The following MEGF11 variants were observed in gnomAD, a reference collection of about 807,000 sequenced individuals.
MEGF11 encodes multiple epidermal growth factor-like domains protein 11.
Under a neutral mutation model 146.6 loss-of-function variants are expected in MEGF11, and 126 were observed. The ratio of observed to expected loss-of-function variants is 0.86; its 90% CI spans 0.74 to 1.00. The LOEUF is 1.00. Ranked by LOEUF, MEGF11 falls within the 50% of genes least tolerant of loss-of-function variation. The pLI, the probability that MEGF11 is intolerant of heterozygous loss-of-function variation, is 0.00. For synonymous variants in MEGF11, 532 were observed against 583.4 expected, an observed-to-expected ratio of 0.91 and a Z score of 1.27; for missense variants, 1,509 against 1,521.2, an observed-to-expected ratio of 0.99 and a Z score of 0.13.
chr15:66,016,217 A>G (rs1037363748), intron 5 of MEGF11, among the ~76,000 whole-genome samples: 1 of 151,884 alleles, frequency 6.6e-6, no homozygotes, highest in African/African-American at 2.4e-5. Context: ...CCTGTGGTTT[A>G]TTTTCTTTCA....
chr15:66,184,600 C>T (rs1297734987), intron 1 of MEGF11, among the ~76,000 whole-genome samples: 1 of 137,116 alleles, frequency 7.3e-6, no homozygotes, highest in African/African-American at 2.7e-5. Flanking sequence ...ACCTTAAAAT[C>T]CTTCAAGATG....
chr15:65,902,628 TCC>T (rs1214303819), intron 24 of MEGF11: 1 of 152,140 alleles, frequency 6.6e-6, no homozygotes, highest in African/African-American at 2.4e-5. Context: ...CCTGTCCCAG[TCC>T]CAGCCCTTCA....
At chr15:66,158,865 G>A (rs1382642311) in intron 1 of MEGF11, among the ~76,000 whole-genome samples, 3 of 152,168 alleles carry the variant, frequency 2.0e-5, no homozygotes, top group Non-Finnish European at 1.5e-5. Context: ...CCAGCATCCA[G>A]TCTCCGCTTA....
chr15:65,901,149 T>C (rs1406885112), intron 24 of MEGF11, among the ~76,000 whole-genome samples: 1 of 152,144 alleles, frequency 6.6e-6, no homozygotes, highest in Non-Finnish European at 1.5e-5. Flanking sequence ...GGGTACTTAG[T>C]TTTTTAGTAC....
chr15:66,127,336 G>A (rs1390598412), intron 2 of MEGF11, among the ~76,000 whole-genome samples: 1 of 152,198 alleles, frequency 6.6e-6, no homozygotes, highest in Non-Finnish European at 1.5e-5. Flanking sequence ...GATCACACAA[G>A]TGCAGGCACT....
chr15:66,107,253 C>T (rs1271548791), intron 4 of MEGF11, among the ~76,000 whole-genome samples: 1 of 152,230 alleles, frequency 6.6e-6, no homozygotes, highest in African/African-American at 2.4e-5. Context: ...TCTCCAAAGA[C>T]ATTGAAGTAG....
intron 5 of MEGF11, among the ~76,000 whole-genome samples, chr15:66,078,103 T>C (rs866242274): frequency 1.9e-4 from 29 of 152,300 alleles, no homozygotes; most frequent in African/African-American, 6.7e-4. Context: ...AGGGACAGAC[T>C]GCCTGAGTTC....
At chr15:66,194,484 T>G (rs920736257) in intron 1 of MEGF11, among the ~76,000 whole-genome samples, 5 of 152,102 alleles carry the variant, frequency 3.3e-5, no homozygotes, top group Admixed American at 3.3e-4. Flanking sequence ...GGCACACACC[T>G]CTAGTCCCAG....
chr15:66,193,180 G>GA (rs919071236), intron 1 of MEGF11, among the ~76,000 whole-genome samples: 10 of 152,090 alleles, frequency 6.6e-5, no homozygotes, highest in Non-Finnish European at 1.3e-4. Context: ...TCTAGTTATG[G>GA]AAAAAAATCC....
Position 65,930,796 on chromosome 15 carries a change from A to T in MEGF11, c.1408+27T>A, listed in dbSNP as rs996133428. 2.5e-6 allele frequency: 4 copies of T among 1,577,008 alleles called. No homozygotes were observed. The African/African-American group carries it at 4.1e-5, about 16-fold the overall frequency. On this transcript the variant is annotated intron_variant, in intron 11 of 25. Coordinates refer to ENST00000395614, the MANE Select transcript of MEGF11 (RefSeq NM_001385028.1). ...TGGGGAATGTGCTCATATGTCAGGGATGGGCTTGGGAGAGAGGGCACATTA... is the reference window on the plus strand; with the variant it reads ...TGGGGAATGTGCTCATATGTCAGGGTTGGGCTTGGGAGAGAGGGCACATTA...
chr15:66,192,453 G>C (rs538807603), intron 1 of MEGF11, among the ~76,000 whole-genome samples: 3 of 145,754 alleles, frequency 2.1e-5, no homozygotes, highest in African/African-American at 7.5e-5. Context: ...CTGGGTGACA[G>C]AGCAAGACTC....
At chr15:66,045,529 C>T (rs1283899378) in intron 5 of MEGF11, among the ~76,000 whole-genome samples, 2 of 152,216 alleles carry the variant, frequency 1.3e-5, no homozygotes, top group African/African-American at 2.4e-5. Flanking sequence ...GCCCACCCAA[C>T]AGCCCATGGG....
intron 3 of MEGF11, among the ~76,000 whole-genome samples, chr15:66,121,867 A>G (rs1385193446): frequency 6.6e-6 from 1 of 152,246 alleles, no homozygotes; most frequent in Non-Finnish European, 1.5e-5. Flanking sequence ...AAAGAAATAA[A>G]CAAACAACAA....
chr15:66,064,028 T>A (rs2085014296), intron 5 of MEGF11, among the ~76,000 whole-genome samples: 1 of 152,146 alleles, frequency 6.6e-6, no homozygotes, highest in African/African-American at 2.4e-5. Context: ...GTTCAGAACC[T>A]ATCACCACAC....
chr15:65,922,153 CTG>C (rs142256772), intron 15 of MEGF11, 183 bp downstream of exon 15: 49,492 of 639,664 alleles, frequency 0.077, 2,155 homozygotes, highest in Middle Eastern at 0.13. Flanking sequence ...AGGCTGTTAA[CTG>C]TGTTAGGGCC....
At chr15:66,219,193 T>A (rs987907) in intron 1 of MEGF11, among the ~76,000 whole-genome samples, 151,042 of 152,232 alleles carry the variant, frequency 0.99, 74,944 homozygotes, top group Middle Eastern at 1. Context: ...GTGCAATCCA[T>A]AAAAGAAAGA....
At chr15:65,978,216 G>A (rs1488493652) in intron 7 of MEGF11, among the ~76,000 whole-genome samples, 1 of 152,208 alleles carries the variant, frequency 6.6e-6, no homozygotes, top group South Asian at 2.1e-4. Context: ...CCATTGGGAA[G>A]TCAGGCAACA....
At chr15:66,099,260 G>C (rs1246501461) in intron 4 of MEGF11, among the ~76,000 whole-genome samples, 1 of 130,386 alleles carries the variant, frequency 7.7e-6, no homozygotes, top group African/African-American at 3.0e-5. Context: ...TCGGCTCACT[G>C]CAACCTCTGC....
At chr15:66,034,931 C>G (rs1235775010) in intron 5 of MEGF11, among the ~76,000 whole-genome samples, 1 of 152,206 alleles carries the variant, frequency 6.6e-6, no homozygotes, top group Non-Finnish European at 1.5e-5. Flanking sequence ...CTCTCTGGCT[C>G]TCTTGCCCTC....
Sources: allele counts gnomAD v4.1 joint callset (sites outside exome capture counted in the v4.1 genomes callset), GRCh38; gene constraint gnomAD v4.1.1; transcripts MANE v1.5; gene names NCBI Gene and HGNC (gene_info 2026-07-23, HGNC 2026-07-21).